The following IFT172 variants were observed in gnomAD, a reference collection of about 807,000 sequenced individuals.
IFT172 encodes intraflagellar transport 172, also known as intraflagellar transport protein 172 homolog.
IFT172 carries 164 observed loss-of-function variants against 248.9 expected under a neutral mutation model. The ratio of observed to expected loss-of-function variants is 0.66; its 90% CI spans 0.58 to 0.75. IFT172 has a LOEUF of 0.75. Among genes scored for constraint, IFT172 ranks in the 30% least tolerant of loss-of-function variants. IFT172 has a pLI of 0.00. For synonymous variants in IFT172, 729 were observed against 791.6 expected (o/e 0.92, Z 1.33); for missense variants, 1,950 against 2,192.4 (o/e 0.89, Z 2.21).
rs1669041024 is a variant in IFT172 at position 27,489,710 on chromosome 2, G to C, written c.-57C>G. 6.4e-6 allele frequency: 9 copies of C among 1,398,536 alleles called. No individual in the cohort carries two copies. The East Asian group carries it at 2.1e-4, about 33-fold the overall frequency. The allele number at this position is 1,398,536 out of a possible 1,614,324, so 86.6% of individuals were successfully genotyped here. ...CAGCGACAACTCCCGTGGTTACCTG[G>C]ACAACCCGCCACGCAGCCGCAGCGA... On this transcript the variant is annotated 5_prime_UTR_variant, in exon 1 of 48. Transcript: ENST00000260570.
chr2:27,454,249 G>GT lies in IFT172; in HGVS notation c.3531-88dup. ...ACAAACAGCCATGTCACTGAGGGGT[G>GT]TAACACTGATTTGTTCTAGGTTTGA... On this transcript the variant is annotated intron_variant, in intron 32 of 47. Coordinates refer to ENST00000260570, the MANE Select transcript of IFT172 (RefSeq NM_015662.3). This position sits in a 1 kb window ranked among gnomAD's most constrained non-coding sequence, Gnocchi z 4.2. 6.3e-7 allele frequency: 1 copy of GT among 1,599,830 alleles called. No homozygotes were observed. Among genetic ancestry groups the GT allele is most frequent in the Non-Finnish European group, 8.6e-7 (1 of 1,167,390 alleles).
At chr2:27,447,388 A>G (rs1187717674) in intron 42 of IFT172, 127 bp downstream of exon 42, 3 of 1,362,408 alleles carry the variant, frequency 2.2e-6, no homozygotes, top group Non-Finnish European at 3.0e-6. Flanking sequence ...ACAGAAGAGA[A>G]GCTGAAAGAC....
intron 19 of IFT172, 60 bp from the exon 20 acceptor site, chr2:27,462,853 G>T: frequency 6.6e-7 from 1 of 1,515,470 alleles, no homozygotes; most frequent in Non-Finnish European, 9.2e-7. Context: ...GTCTGTGAGG[G>T]CTGAAATTGG....
chr2:27,457,819 G>A (rs899480042), intron 28 of IFT172, 22 bp downstream of exon 28: 1 of 1,614,150 alleles, frequency 6.2e-7, no homozygotes, highest in South Asian at 1.1e-5. Context: ...AAGAGATAGG[G>A]AGAGCCAGGA....
chr2:27,466,020 T>C (rs1480858594), intron 16 of IFT172, 138 bp from the exon 17 acceptor site: 1 of 979,168 alleles, frequency 1.0e-6, no homozygotes, highest in Non-Finnish European at 1.6e-6. Context: ...AACATTTTAG[T>C]TTCTCTCAAG....
At chr2:27,481,436 CACACACACACACACACAT>C (rs1464101962) in intron 7 of IFT172, among the ~76,000 whole-genome samples, 176 bp from the exon 8 acceptor site, 105 of 150,922 alleles carry the variant, frequency 7.0e-4, no homozygotes, top group African/African-American at 2.4e-3. Flanking sequence ...CACACACACA[CACACACACACACACACAT>C]ACACACACAC....
intron 18 of IFT172, among the ~76,000 whole-genome samples, chr2:27,464,442 C>T (rs937189904): frequency 6.6e-6 from 1 of 152,058 alleles, no homozygotes; most frequent in African/African-American, 2.4e-5. Flanking sequence ...TAATTGGAAC[C>T]AAGATTTGAA....
Position 27,447,712 on chromosome 2 carries a change from C to T in IFT172, c.4540-78G>A. ...CCATAGAGTGGTCTCTGATAGCCAC[C>T]TGGCAGAGGAAGGTAAAATACATCT... On this transcript the variant is annotated intron_variant, in intron 41 of 47. Transcript: ENST00000260570. 3.1e-6 allele frequency: 5 copies of T among 1,610,484 alleles called. No homozygotes were observed. In the South Asian group the frequency reaches 5.5e-5, roughly 18 times the overall value.
chr2:27,484,043 G>C, intron 4 of IFT172, 106 bp from the exon 5 acceptor site: 1 of 1,285,188 alleles, frequency 7.8e-7, no homozygotes, highest in Non-Finnish European at 1.1e-6. Flanking sequence ...TCTCCTATAG[G>C]GAAGGACACA....
intron 22 of IFT172, 60 bp downstream of exon 22, chr2:27,461,209 T>C: frequency 6.2e-7 from 1 of 1,612,180 alleles, no homozygotes; most frequent in African/African-American, 1.3e-5. Context: ...AAGACTCCTC[T>C]GGGTAAGGGA....
intron 23 of IFT172, 29 bp from the exon 24 acceptor site, chr2:27,459,858 C>G: frequency 6.2e-7 from 1 of 1,606,094 alleles, no homozygotes; most frequent in African/African-American, 1.3e-5. Context: ...ATGCTCAGCC[C>G]AGATTTCCAG....
intron 3 of IFT172, among the ~76,000 whole-genome samples, chr2:27,484,687 T>A (rs1043464429): frequency 1.3e-5 from 2 of 152,152 alleles, no homozygotes; most frequent in Non-Finnish European, 2.9e-5. Context: ...CCTGGCCCAG[T>A]AGTATTTCTG....
intron 1 of IFT172, 58 bp downstream of exon 1, chr2:27,489,557 C>T (rs1035358220): frequency 1.9e-5 from 26 of 1,336,776 alleles, no homozygotes; most frequent in Admixed American, 8.7e-5. Flanking sequence ...ACTTCAGTTC[C>T]CCCACTTTTC....
At chr2:27,476,024 C>A (rs532191446) in intron 14 of IFT172, among the ~76,000 whole-genome samples, 1 of 151,930 alleles carries the variant, frequency 6.6e-6, no homozygotes, top group Non-Finnish European at 1.5e-5. Flanking sequence ...AAAATATGAA[C>A]ATATAAGATT....
At position 27,447,601 on chromosome 2, in the gene IFT172, A is replaced by T; in HGVS notation, c.4573T>A (p.Ser1525Thr). The change falls in exon 42 of 48, where the codon TCT becomes ACT. Residue 1525 changes from serine (S) to threonine (T), a missense_variant. By Grantham distance (58) the Ser-to-Thr change is moderately conservative. This residue lies in a region of IFT172 where 620 missense variants were observed against 699.0 expected (regional missense o/e 0.89). Coordinates refer to ENST00000260570, the MANE Select transcript of IFT172 (RefSeq NM_015662.3). Reference protein sequence around the residue: ...ENLVKSSEANSPAHEEFKTML... With the variant: ...ENLVKSSEANTPAHEEFKTML... The stretch of plus-strand genomic sequence containing the variant: ...GTCTTGAACTCCTCATGGGCTGGAG[A>T]GTTTGCCTCACTGGACTTCACCAGG... The T allele has an allele frequency of 6.2e-7, 1 of 1,614,084 alleles. No homozygotes were observed.
At chr2:27,479,715 C>T in intron 9 of IFT172, 111 bp from the exon 10 acceptor site, 1 of 793,340 alleles carries the variant, frequency 1.3e-6, no homozygotes, top group Non-Finnish European at 2.1e-6. Flanking sequence ...GAAGAGTTGG[C>T]AGTGAAAGAG....
intron 26 of IFT172, 138 bp downstream of exon 26, chr2:27,458,641 A>G: frequency 3.3e-6 from 3 of 902,440 alleles, no homozygotes; most frequent in Non-Finnish European, 3.3e-6. Context: ...GCTAGGGATC[A>G]AAGTGGCTCA....
chr2:27,447,099 T>C (rs918227060), intron 42 of IFT172, among the ~76,000 whole-genome samples: 2 of 152,296 alleles, frequency 1.3e-5, no homozygotes, highest in Middle Eastern at 3.4e-3. Context: ...CGCCTCGGCC[T>C]CCCAAAGTGC....
rs139896792 is a variant in IFT172, at chr2:27,467,360, C to T, written c.1693-1478G>A. On this transcript the variant is annotated intron_variant, in intron 16 of 47. Coordinates refer to ENST00000260570, the MANE Select transcript of IFT172 (RefSeq NM_015662.3). ...GGCTCAGGCAGGAGGACTGCTTGAGCCCAGGAGTTTGAGACCAGCCTGGGA... is the reference window on the plus strand; with the variant it reads ...GGCTCAGGCAGGAGGACTGCTTGAGTCCAGGAGTTTGAGACCAGCCTGGGA... Among the ~76,000 whole-genome samples, 854 of 135,060 alleles carry T rather than the reference C, an allele frequency of 6.3e-3. 8 individuals carry two copies. The highest frequency in any genetic ancestry group is 0.023 in the African/African-American group (808 of 35,012). The allele number at this position is 135,060 out of a possible 152,430, so 88.6% of individuals were successfully genotyped here.
Sources: gnomAD v4.1 joint callset for allele counts (sites outside exome capture counted in the v4.1 genomes callset) on GRCh38, gnomAD v4.1.1 for gene constraint, gnomAD v4.1.1 regional missense constraint, Gnocchi (gnomAD v3.1) non-coding constraint, MANE v1.5 for transcripts, NCBI Gene and HGNC (gene_info 2026-07-23, HGNC 2026-07-21) for gene names.